The following USP45 variants were observed in gnomAD, a reference collection of about 807,000 sequenced individuals.
The protein encoded by USP45 is ubiquitin specific peptidase 45.
USP45 carries 89 observed loss-of-function variants against 95.8 expected under a neutral mutation model. That is an observed-to-expected ratio of 0.93 (90% CI 0.78 to 1.11). The LOEUF (loss-of-function observed/expected upper bound fraction) is 1.11, where lower values mean the gene tolerates loss of function less well. Ranked by LOEUF, USP45 falls within the 50% of genes least tolerant of loss-of-function variation. USP45 has a pLI of 0.00. For missense variants in USP45, 898 were observed against 942.5 expected, an observed-to-expected ratio of 0.95 and a Z score of 0.62; for synonymous variants, 281 against 316.2, an observed-to-expected ratio of 0.89 and a Z score of 1.18.
At chr6:99,469,174 A>C (rs1465490783) in intron 9 of USP45, among the ~76,000 whole-genome samples, 1 of 152,066 alleles carries the variant, frequency 6.6e-6, no homozygotes, top group African/African-American at 2.4e-5. Context: ...TTATGGTTTT[A>C]CTTGAACTTA....
chr6:99,451,081 C>A (rs1783746900), intron 13 of USP45, among the ~76,000 whole-genome samples: 1 of 152,140 alleles, frequency 6.6e-6, no homozygotes, highest in Non-Finnish European at 1.5e-5. Context: ...CAATATCATA[C>A]TGAATGGGCA....
chr6:99,466,571 A>AT, intron 11 of USP45, 101 bp downstream of exon 11: 1 of 979,372 alleles, frequency 1.0e-6, no homozygotes, highest in Non-Finnish European at 1.6e-6. Context: ...CATCTGTCAA[A>AT]TTTTAAAAAT....
intron 6 of USP45, among the ~76,000 whole-genome samples, 192 bp downstream of exon 6, chr6:99,488,489 T>C (rs1418995231): frequency 2.0e-5 from 3 of 152,194 alleles, no homozygotes; most frequent in Non-Finnish European, 4.4e-5. Flanking sequence ...ACAGAAGACC[T>C]TTCAGAAGCC....
At chr6:99,508,559 T>C in intron 3 of USP45, 51 bp downstream of exon 3, 1 of 1,553,986 alleles carries the variant, frequency 6.4e-7, no homozygotes, top group African/African-American at 1.4e-5. Context: ...ACAATAAGCA[T>C]TTAAGGAAAA....
intron 13 of USP45, among the ~76,000 whole-genome samples, chr6:99,453,763 A>G (rs1784423939): frequency 1.3e-5 from 2 of 152,178 alleles, no homozygotes; most frequent in Non-Finnish European, 2.9e-5. Context: ...ATTTGAGACC[A>G]GTCTGGCCAG....
chr6:99,441,591 A>T (rs4144163), intron 15 of USP45, among the ~76,000 whole-genome samples: 66,892 of 151,956 alleles, frequency 0.44, 15,677 homozygotes, highest in East Asian at 0.89. Context: ...GCTTTCTAGC[A>T]GGTGTTACCA....
upstream of USP45, among the ~76,000 whole-genome samples, chr6:99,516,137 AT>A (rs1801091887): frequency 6.6e-6 from 1 of 151,172 alleles, no homozygotes. Flanking sequence ...TTCGTCATAT[AT>A]TATTGTGGTT....
chr6:99,448,217 A>G (rs546637922), intron 13 of USP45, among the ~76,000 whole-genome samples: 2 of 152,324 alleles, frequency 1.3e-5, no homozygotes, highest in South Asian at 4.1e-4. Flanking sequence ...TTGAGAGAAG[A>G]AGGCTTCAGA....
intron 6 of USP45, 31 bp downstream of exon 6, chr6:99,488,650 A>G (rs1037455987): frequency 1.3e-6 from 2 of 1,581,084 alleles, no homozygotes; most frequent in Non-Finnish European, 1.7e-6. Context: ...AGAATCTTTT[A>G]CATATTACAA....
Position 99,466,604 on chromosome 6 carries a change from A to T in USP45, c.1107+68T>A, listed in dbSNP as rs561411512. On this transcript the variant is annotated intron_variant, in intron 11 of 17. Transcript: ENST00000500704. ...AATGACTGCCAATGATTATATGTGA[A>T]AGAAAATATAATAAAAATGATGTGA... is the stretch of plus-strand genomic sequence containing the variant. 82 of 1,317,016 alleles carry T rather than the reference A, an allele frequency of 6.2e-5. No homozygotes were observed. In the African/African-American group the frequency reaches 1.1e-3, roughly 18 times the overall value. 81.6% of individuals were successfully genotyped at this position (1,317,016 alleles called of 1,614,324 possible).
intron 13 of USP45, chr6:99,461,345 T>C: frequency 2.0e-6 from 2 of 985,426 alleles, no homozygotes; most frequent in Non-Finnish European, 2.4e-6. Flanking sequence ...TAATATCTTT[T>C]GGTAGCCATT....
chr6:99,453,040 G>A (rs1168773231), intron 13 of USP45, among the ~76,000 whole-genome samples: 1 of 152,078 alleles, frequency 6.6e-6, no homozygotes, highest in East Asian at 1.9e-4. Flanking sequence ...GGTGGCGGGA[G>A]CAGGGAGGGA....
rs554611273 is a variant in USP45 at position 99,453,141 on chromosome 6, C to G, written c.1309-6678G>C. 2.1e-5 allele frequency among the ~76,000 whole-genome samples: 3 copies of G among 143,124 alleles called. No homozygotes were observed. In the East Asian group the frequency reaches 6.1e-4, roughly 29 times the overall value. The allele number at this position is 143,124 out of a possible 152,430, so 93.9% of individuals were successfully genotyped here. ...TGTATACATATGTAACAAACCTGCA[C>G]GTTGTGCACATGTACCCTAGAACTT... On this transcript the variant is annotated intron_variant, in intron 13 of 17. Transcript: ENST00000500704.
intron 13 of USP45, chr6:99,462,102 ACT>A (rs1199410870): frequency 1.0e-6 from 1 of 985,258 alleles, no homozygotes; most frequent in Non-Finnish European, 1.2e-6. Flanking sequence ...GCAAACTTGC[ACT>A]TTTTCCCATC....
rs529394604 is a variant in USP45, at chr6:99,445,708, C to T, written c.1975+89G>A. On this transcript the variant is annotated intron_variant, in intron 14 of 17. Transcript: ENST00000500704. Reference sequence around the variant, plus strand: ...TGCCTAAGTAACACAAGTATAGGGACAAGATTCTCAGTAAAATTCTCAGTG... The same window carrying T: ...TGCCTAAGTAACACAAGTATAGGGATAAGATTCTCAGTAAAATTCTCAGTG... The T allele has an allele frequency of 4.8e-4, 485 of 1,011,800 alleles. 10 individuals are homozygous for T. In the South Asian group the frequency reaches 7.8e-3, roughly 16 times the overall value. The allele number at this position is 1,011,800 out of a possible 1,614,324, so 62.7% of individuals were successfully genotyped here.
At chr6:99,476,555 C>T (rs1790919835) in intron 8 of USP45, among the ~76,000 whole-genome samples, 1 of 152,194 alleles carries the variant, frequency 6.6e-6, no homozygotes, top group Non-Finnish European at 1.5e-5. Context: ...CTTAAGTGTG[C>T]ACTGAGAATA....
intron 8 of USP45, chr6:99,482,153 G>A (rs990077315): frequency 6.6e-5 from 10 of 152,064 alleles, no homozygotes; most frequent in African/African-American, 1.9e-4. Flanking sequence ...TGAGGACAGG[G>A]TGCATTTGTG....
chr6:99,449,828 G>A (rs1335434790), intron 13 of USP45, among the ~76,000 whole-genome samples: 1 of 152,128 alleles, frequency 6.6e-6, no homozygotes, highest in Non-Finnish European at 1.5e-5. Flanking sequence ...ATAACAAATT[G>A]TCTCTCAGAC....
chr6:99,467,412 A>G (rs1788240635), intron 10 of USP45, among the ~76,000 whole-genome samples: 1 of 152,004 alleles, frequency 6.6e-6, no homozygotes, highest in Non-Finnish European at 1.5e-5. Context: ...ACTTTCCATC[A>G]TAAACCATGG....
Sources: gnomAD v4.1 joint callset for allele counts (sites outside exome capture counted in the v4.1 genomes callset) on GRCh38, gnomAD v4.1.1 for gene constraint, MANE v1.5 for transcripts, NCBI Gene and HGNC (gene_info 2026-07-23, HGNC 2026-07-21) for gene names.